RBFOX1: variants seen among roughly 807,000 people sequenced by gnomAD.
RBFOX1 encodes RNA binding protein fox-1 homolog 1.
Under a neutral mutation model 57.7 loss-of-function variants are expected in RBFOX1, and 8 were observed. The observed-to-expected ratio is 0.14, with a 90% CI of 0.08 to 0.25. The LOEUF (loss-of-function observed/expected upper bound fraction) is 0.25. Ranked by LOEUF, RBFOX1 falls within the 10% of genes least tolerant of loss-of-function variation. The probability of loss-of-function intolerance (pLI) is 1.00; values close to 1 mark genes in which losing one functional copy is unlikely to be tolerated. For synonymous variants in RBFOX1, 326 were observed against 222.4 expected, an observed-to-expected ratio of 1.47 and a Z score of -4.15; for missense variants, 611 against 548.5, an observed-to-expected ratio of 1.11 and a Z score of -1.14.
chr16:5,376,055 C>G (rs1016717035), intron 1 of RBFOX1, among the ~76,000 whole-genome samples: 1 of 151,778 alleles, frequency 6.6e-6, no homozygotes, highest in African/African-American at 2.4e-5. Flanking sequence ...GTAGTTCTAG[C>G]TACTTGGGAG....
At chr16:7,304,243 A>T in intron 4 of RBFOX1, 1 of 983,234 alleles carries the variant, frequency 1.0e-6, no homozygotes, top group South Asian at 4.7e-5. Context: ...AGAGAGAGAG[A>T]GAGACAGCGC....
intron 4 of RBFOX1, among the ~76,000 whole-genome samples, chr16:7,286,216 T>C (rs2095647851): frequency 6.6e-6 from 1 of 152,160 alleles, no homozygotes; most frequent in Admixed American, 6.6e-5. Flanking sequence ...TAAGCTCTAA[T>C]AGGTAAACAC....
intron 3 of RBFOX1, among the ~76,000 whole-genome samples, chr16:6,931,337 C>CTATA (rs1419175284): frequency 9.1e-6 from 1 of 110,206 alleles, no homozygotes; most frequent in Non-Finnish European, 2.0e-5. Flanking sequence ...ATCTATCTAT[C>CTATA]TCTACACACA....
At chr16:5,622,860 C>G (rs1443295341) in intron 3 of RBFOX1, among the ~76,000 whole-genome samples, 1 of 152,198 alleles carries the variant, frequency 6.6e-6, no homozygotes, top group Non-Finnish European at 1.5e-5. Context: ...GCGTCTGAAC[C>G]CAACATGTGC....
chr16:6,002,199 A>G (rs1380107827), intron 4 of RBFOX1, among the ~76,000 whole-genome samples: 3 of 152,064 alleles, frequency 2.0e-5, no homozygotes, highest in Non-Finnish European at 4.4e-5. Context: ...CTGGTCTCAA[A>G]TTCCTGGACT....
intron 3 of RBFOX1, among the ~76,000 whole-genome samples, chr16:6,809,343 G>C (rs1038915321): frequency 7.2e-5 from 11 of 152,148 alleles, no homozygotes; most frequent in African/African-American, 2.4e-4. Context: ...AACTAATGTA[G>C]ATTGCCTCTA....
At chr16:5,897,160 C>T (rs1348694737) in intron 4 of RBFOX1, among the ~76,000 whole-genome samples, 3 of 151,892 alleles carry the variant, frequency 2.0e-5, no homozygotes, top group Non-Finnish European at 4.4e-5. Context: ...CTCAGCCTCC[C>T]CAGTAGCTGG....
chr16:6,768,180 G>C (rs551979387), intron 3 of RBFOX1, among the ~76,000 whole-genome samples: 2 of 151,996 alleles, frequency 1.3e-5, no homozygotes, highest in African/African-American at 4.8e-5. Context: ...CTGGGCAATA[G>C]AGCTAGACTC....
At chr16:7,593,157 A>G (rs1447599995) in intron 7 of RBFOX1, among the ~76,000 whole-genome samples, 4 of 152,152 alleles carry the variant, frequency 2.6e-5, no homozygotes, top group Non-Finnish European at 4.4e-5. Flanking sequence ...TAGTGAAATG[A>G]GAGGTCATGG....
intron 1 of RBFOX1, among the ~76,000 whole-genome samples, chr16:5,370,634 A>G (rs1218483192): frequency 6.6e-6 from 1 of 151,968 alleles, no homozygotes; most frequent in Non-Finnish European, 1.5e-5. Flanking sequence ...CTGAGGCCGC[A>G]GGCACGTGCT....
intron 3 of RBFOX1, among the ~76,000 whole-genome samples, chr16:5,755,535 C>G (rs980159716): frequency 6.6e-6 from 1 of 152,202 alleles, no homozygotes; most frequent in Admixed American, 6.5e-5. Context: ...TGGTTGGTCA[C>G]AAAAGACGAC....
chr16:6,697,531 T>A (rs752635089), intron 3 of RBFOX1, among the ~76,000 whole-genome samples: 2 of 152,198 alleles, frequency 1.3e-5, no homozygotes, highest in Non-Finnish European at 2.9e-5. Context: ...TGCTTTCCAT[T>A]GTGTGATCAC....
chr16:6,437,135 C>G (rs777750001), intron 2 of RBFOX1, among the ~76,000 whole-genome samples: 1 of 152,118 alleles, frequency 6.6e-6, no homozygotes, highest in African/African-American at 2.4e-5. Flanking sequence ...TGCACAGACA[C>G]TATTTTAGGA....
intron 1 of RBFOX1, among the ~76,000 whole-genome samples, chr16:5,412,888 T>C (rs2067060349): frequency 6.6e-6 from 1 of 152,152 alleles, no homozygotes; most frequent in African/African-American, 2.4e-5. Flanking sequence ...AATGCTGGAA[T>C]TCCCCAGCGA....
At chr16:7,583,231 G>A (rs1296410818) in intron 6 of RBFOX1, among the ~76,000 whole-genome samples, 4 of 149,534 alleles carry the variant, frequency 2.7e-5, no homozygotes, top group African/African-American at 4.9e-5. Flanking sequence ...AGAAGCCATC[G>A]TCTTTTAAAA....
chr16:6,323,880 C>T (rs2082079920), intron 2 of RBFOX1, among the ~76,000 whole-genome samples: 1 of 151,986 alleles, frequency 6.6e-6, no homozygotes, highest in South Asian at 2.1e-4. Flanking sequence ...TCAAGCTATT[C>T]TTGTGCCTCA....
At chr16:7,607,199 T>C in intron 9 of RBFOX1, 86 bp from the exon 10 acceptor site, 1 of 1,265,962 alleles carries the variant, frequency 7.9e-7, no homozygotes, top group Non-Finnish European at 1.1e-6. Flanking sequence ...TGAGATACTT[T>C]AACCCATTTG....
chr16:5,373,495 A>G (rs908570514), intron 1 of RBFOX1, among the ~76,000 whole-genome samples: 5 of 151,966 alleles, frequency 3.3e-5, no homozygotes, highest in Admixed American at 3.3e-4. Context: ...TGCCCATGTA[A>G]GACGCACCTG....
chr16:5,298,819 G>C (rs2063738666), intron 1 of RBFOX1, among the ~76,000 whole-genome samples: 1 of 41,130 alleles, frequency 2.4e-5, no homozygotes, highest in Non-Finnish European at 4.8e-5. Context: ...AGAAACAAAG[G>C]AAAAGAGGCA....
Sources: gnomAD v4.1 joint callset for allele counts (sites outside exome capture counted in the v4.1 genomes callset) on GRCh38, gnomAD v4.1.1 for gene constraint, MANE v1.5 for transcripts, NCBI Gene and HGNC (gene_info 2026-07-23, HGNC 2026-07-21) for gene names.